PDE10A: variants seen among roughly 807,000 people sequenced by gnomAD.
The protein encoded by PDE10A is cAMP and cAMP-inhibited cGMP 3',5'-cyclic phosphodiesterase 10A.
PDE10A carries 39 observed loss-of-function variants against 97.7 expected under a neutral mutation model. That is an observed-to-expected ratio of 0.40 (90% CI 0.31 to 0.52). PDE10A has a LOEUF of 0.52. PDE10A is among the 20% of genes least tolerant of loss of function. The pLI is 0.56. For missense variants in PDE10A, 731 were observed against 1,047.8 expected (o/e 0.70, Z 4.17); for synonymous variants, 371 against 376.8 (o/e 0.98, Z 0.18).
At position 165,385,871 on chromosome 6, in the gene PDE10A, G is replaced by A. The variant is rs117442798; in HGVS notation, c.2610+2427C>T. Among the ~76,000 whole-genome samples, 215 of 152,324 alleles carry A rather than the reference G, an allele frequency of 1.4e-3. 1 individual carries two copies. Among genetic ancestry groups the A allele is most frequent in the Non-Finnish European group, 2.7e-3 (187 of 68,012 alleles). Reference sequence around the variant, plus strand: ...ATATAAATTTGTTTTCAAACTGGCAGTGCTTTTCATCTGAATTCGCAGCAA... The same window carrying A: ...ATATAAATTTGTTTTCAAACTGGCAATGCTTTTCATCTGAATTCGCAGCAA... On this transcript the variant is annotated intron_variant, in intron 17 of 21. Coordinates refer to ENST00000539869, the MANE Select transcript of PDE10A (RefSeq NM_001385079.1).
intron 18 of PDE10A, among the ~76,000 whole-genome samples, chr6:165,347,110 T>G (rs564802573): frequency 5.2e-4 from 79 of 152,264 alleles, no homozygotes; most frequent in Admixed American, 1.0e-3. Context: ...TTTTTTATCT[T>G]GCTTTTAAAC....
chr6:165,443,806 G>A lies in PDE10A; in HGVS notation c.1194+5122C>T, dbSNP rs559311542. Among the ~76,000 whole-genome samples the A allele has an allele frequency of 2.6e-5, 4 of 152,324 alleles. No individual in the cohort carries two copies. In the South Asian group the frequency reaches 8.3e-4, roughly 32 times the overall value. On this transcript the variant is annotated intron_variant, in intron 5 of 21. Transcript: ENST00000539869. Reference sequence around the variant, plus strand: ...GACTGGGACACAGGACACCATGTTTGGAGCAGCAAGGCCTTGGGCTTGGTC... The same window carrying A: ...GACTGGGACACAGGACACCATGTTTAGAGCAGCAAGGCCTTGGGCTTGGTC...
chr6:165,692,167 G>A (rs1196606189), intron 1 of PDE10A, among the ~76,000 whole-genome samples: 1 of 152,202 alleles, frequency 6.6e-6, no homozygotes, highest in African/African-American at 2.4e-5. Context: ...CAGGGAGGGT[G>A]GGGACGCCAC....
chr6:165,644,377 A>C (rs1789291412), intron 1 of PDE10A, among the ~76,000 whole-genome samples: 1 of 152,204 alleles, frequency 6.6e-6, no homozygotes, highest in African/African-American at 2.4e-5. Context: ...GTTCATTTTT[A>C]AGAGTCTCCG....
At chr6:165,686,130 GACACACACACACACACACAC>G (rs57547290) in intron 1 of PDE10A, among the ~76,000 whole-genome samples, 51 of 145,412 alleles carry the variant, frequency 3.5e-4, no homozygotes, top group African/African-American at 1.1e-3. Context: ...AATGTGCATG[GACACACACACACACACACAC>G]ACACACACAC....
intron 5 of PDE10A, among the ~76,000 whole-genome samples, chr6:165,435,725 G>A (rs1789968527): frequency 1.3e-5 from 2 of 152,138 alleles, no homozygotes; most frequent in Middle Eastern, 6.8e-3. Context: ...ACACACACAG[G>A]GTCCAACCTC....
chr6:165,832,318 C>G (rs536470830), intron 1 of PDE10A, among the ~76,000 whole-genome samples: 1 of 151,834 alleles, frequency 6.6e-6, no homozygotes, highest in Admixed American at 6.6e-5. Flanking sequence ...CTCATTCAAC[C>G]GCTTAATTTA....
intron 1 of PDE10A, among the ~76,000 whole-genome samples, chr6:165,898,153 T>G (rs993273190): frequency 2.0e-5 from 3 of 151,986 alleles, no homozygotes; most frequent in African/African-American, 7.3e-5. Context: ...CCAGTCTTCT[T>G]ACTGCTGTGC....
At chr6:165,389,088 A>G (rs1024156350) in intron 16 of PDE10A, among the ~76,000 whole-genome samples, 1 of 152,126 alleles carries the variant, frequency 6.6e-6, no homozygotes, top group African/African-American at 2.4e-5. Context: ...GGGGAGCAGT[A>G]ACAACATAAA....
chr6:165,899,944 C>T (rs1782058054), intron 1 of PDE10A, among the ~76,000 whole-genome samples: 1 of 152,200 alleles, frequency 6.6e-6, no homozygotes, highest in Admixed American at 6.5e-5. Context: ...TTTTCACTGG[C>T]CCTTCAGAGA....
intron 1 of PDE10A, among the ~76,000 whole-genome samples, chr6:165,717,710 T>A (rs1467219462): frequency 6.6e-6 from 1 of 152,264 alleles, no homozygotes; most frequent in Non-Finnish European, 1.5e-5. Flanking sequence ...AATTGGCAAC[T>A]GTTTCCTGCG....
chr6:165,936,141 A>C (rs1181051364), intron 1 of PDE10A, among the ~76,000 whole-genome samples: 3 of 152,234 alleles, frequency 2.0e-5, no homozygotes, highest in Non-Finnish European at 4.4e-5. Flanking sequence ...GAAGAGCAGG[A>C]ATCAGAAAGA....
intron 18 of PDE10A, among the ~76,000 whole-genome samples, chr6:165,370,288 T>C (rs1393640845): frequency 6.7e-6 from 1 of 148,696 alleles, no homozygotes; most frequent in African/African-American, 2.5e-5. Flanking sequence ...ACTGGCAAAT[T>C]GGATAAAGAG....
chr6:165,511,146 G>A (rs907868503), intron 2 of PDE10A, among the ~76,000 whole-genome samples: 8 of 151,908 alleles, frequency 5.3e-5, no homozygotes, highest in Non-Finnish European at 8.8e-5. Flanking sequence ...CTACTTTTCT[G>A]ATGTAGGTGT....
intron 5 of PDE10A, 117 bp from the exon 6 acceptor site, chr6:165,435,494 A>G (rs1789944800): frequency 8.5e-6 from 7 of 827,406 alleles, no homozygotes; most frequent in Non-Finnish European, 1.2e-5. Flanking sequence ...GAAGAGTCAT[A>G]AAATGAGGAA....
intron 1 of PDE10A, among the ~76,000 whole-genome samples, chr6:165,975,874 C>T (rs1193830773): frequency 2.6e-5 from 4 of 152,174 alleles, no homozygotes; most frequent in Admixed American, 6.5e-5. Context: ...AACGATATTG[C>T]GTGTGGGTAG....
chr6:165,851,652 T>TGAGTTA (rs1194721665), intron 1 of PDE10A, among the ~76,000 whole-genome samples: 2 of 152,178 alleles, frequency 1.3e-5, no homozygotes, highest in African/African-American at 4.8e-5. Context: ...AAGTGAGATT[T>TGAGTTA]GAGTTAGTTC....
chr6:165,443,765 C>T (rs769500118), intron 5 of PDE10A, among the ~76,000 whole-genome samples: 23 of 152,320 alleles, frequency 1.5e-4, no homozygotes, highest in East Asian at 3.9e-4. Flanking sequence ...CTGTGTACCA[C>T]GGCTAGAGCT....
chr6:165,470,413 A>C (rs1295748248), intron 3 of PDE10A, among the ~76,000 whole-genome samples: 1 of 152,252 alleles, frequency 6.6e-6, no homozygotes, highest in Non-Finnish European at 1.5e-5. Flanking sequence ...GCTGTAAATC[A>C]GATATATAAA....
Sources: allele counts gnomAD v4.1 joint callset (sites outside exome capture counted in the v4.1 genomes callset), GRCh38; gene constraint gnomAD v4.1.1; transcripts MANE v1.5; gene names NCBI Gene and HGNC (gene_info 2026-07-23, HGNC 2026-07-21).